HCN2: variants seen among roughly 807,000 people sequenced by gnomAD.
The protein encoded by HCN2 is potassium/sodium hyperpolarization-activated cyclic nucleotide-gated channel 2.
Under a neutral mutation model 52.3 loss-of-function variants are expected in HCN2, and 20 were observed. The observed-to-expected ratio is 0.38, with a 90% confidence interval of 0.27 to 0.56. The LOEUF is 0.56. Among genes scored for constraint, HCN2 ranks in the 20% least tolerant of loss-of-function variants. HCN2 has a pLI of 0.71. For synonymous variants in HCN2, 694 were observed against 537.0 expected (o/e 1.29, Z -4.04); for missense variants, 981 against 1,207.7 (o/e 0.81, Z 2.78).
Position 613,869 on chromosome 19 carries a change from C to T in HCN2, c.1843C>T (p.Arg615Trp), listed in dbSNP as rs747683299. The T allele has an allele frequency of 1.9e-6, 3 of 1,588,340 alleles. No homozygotes were observed. The highest frequency in any genetic ancestry group is 1.7e-6 in the Non-Finnish European group (2 of 1,168,274). The change falls in exon 7 of 8, where the codon CGG (arginine) becomes TGG (tryptophan). Residue 615 changes from arginine to tryptophan, a missense_variant. Physicochemically the swap from Arg to Trp is moderately radical, Grantham distance 101. Around this residue, in one of 6 missense-constraint regions of HCN2, gnomAD observed 85 missense variants for 106.1 expected, o/e 0.80. Transcript: ENST00000251287. ...ACGTGCAGAGATCTGCCTGCTCACC[C>T]GGGGCCGCCGCACGGCGAGCGTGCG... is the stretch of plus-strand genomic sequence containing the variant. ...SYFGEICLLT[R>W]GRRTASVRAD... is the part of the protein sequence containing the mutation.
At chr19:609,985 C>T (rs1240983159) in intron 4 of HCN2, among the ~76,000 whole-genome samples, 1 of 152,242 alleles carries the variant, frequency 6.6e-6, no homozygotes, top group Non-Finnish European at 1.5e-5. Flanking sequence ...TTGAATCTGG[C>T]CGCCCCTGTG....
In HCN2 at chr19:590,810, C is replaced by G. The variant is rs1378898351; in HGVS notation, c.632+233C>G. ...CGCGGAGCGCCCCCCTCCCACGCACCCCGACATCCTCCGCCCTGCGGCGCG... is the reference window on the plus strand; with the variant it reads ...CGCGGAGCGCCCCCCTCCCACGCACGCCGACATCCTCCGCCCTGCGGCGCG... On this transcript the variant is annotated intron_variant, in intron 1 of 7. Transcript: ENST00000251287. This position sits in a 1 kb window ranked among gnomAD's most constrained non-coding sequence, Gnocchi z 7.2. 1.8e-5 allele frequency: 5 copies of G among 283,624 alleles called. No individual in the cohort carries two copies. Among genetic ancestry groups the G allele is most frequent in the Non-Finnish European group, 3.3e-5 (5 of 152,874 alleles). The allele number at this position is 283,624 out of a possible 1,614,324, so 17.6% of individuals were successfully genotyped here. A position where few individuals can be genotyped will look rare whatever the true frequency, so the allele number is the denominator to read the frequency against.
chr19:613,602 T>TCC (rs1568368650), intron 6 of HCN2, 114 bp downstream of exon 6: 1,421 of 77,162 alleles, frequency 0.018, 57 homozygotes, highest in African/African-American at 0.029. Context: ...GGGATGGGGA[T>TCC]GGGGCCGGGG....
Position 605,208 on chromosome 19 carries a change from A to G in HCN2, c.1204A>G (p.Ile402Val). The G allele has an allele frequency of 6.2e-7, 1 of 1,610,650 alleles. No homozygotes were observed. The highest frequency in any genetic ancestry group is 8.5e-7 in the Non-Finnish European group (1 of 1,179,478). The change falls in exon 3 of 8, where the codon ATC (isoleucine) becomes GTC (valine). Residue 402 changes from isoleucine to valine, a missense_variant. Coordinates refer to ENST00000251287, the MANE Select transcript of HCN2 (RefSeq NM_001194.4). ...QDFPRNCWVS[I>V]NGMVNHSWSE... ...CTTCCCGCGCAACTGCTGGGTGTCC[A>G]TCAATGGCATGGTGGTGAGCGCCGC...
Position 590,173 on chromosome 19 carries a change from C to G in HCN2, c.228C>G (p.Arg76=). 1.0e-6 allele frequency: 1 copy of G among 979,380 alleles called. No individual in the cohort carries two copies. The highest frequency in any genetic ancestry group is 1.2e-6 in the Non-Finnish European group (1 of 827,846). 60.7% of individuals were successfully genotyped at this position (979,380 alleles called of 1,614,324 possible). ...ADEGGPRGRL[R]SRDSSCGRPG... ...AGGGCGGCCCGCGGGGCCGGCTCCG[C>G]AGCCGCGACAGCTCGTGCGGCCGCC... The change falls in exon 1 of 8, where the codon CGC becomes CGG. Residue 76 remains arginine (R), a synonymous_variant. Transcript: ENST00000251287. This position sits in a 1 kb window ranked among gnomAD's most constrained non-coding sequence, Gnocchi z 7.2.
In HCN2 at chr19:592,122, TC is replaced by T. The variant is rs1164939822; in HGVS notation, c.632+1547del. ...GACAGTGAGCGGGAAGGACTGGACT[TC>T]CAGGGCTGCTGGTCGGCCTGGCCCC... On this transcript the variant is annotated intron_variant, in intron 1 of 7. Coordinates refer to ENST00000251287, the MANE Select transcript of HCN2 (RefSeq NM_001194.4). The surrounding 1 kb of genome is among the most constrained non-coding windows in gnomAD (Gnocchi z 4.8). Among the ~76,000 whole-genome samples, 1 of 152,148 alleles carries T rather than the reference TC, an allele frequency of 6.6e-6. No individual in the cohort carries two copies. The highest frequency in any genetic ancestry group is 1.5e-5 in the Non-Finnish European group (1 of 68,010).
In HCN2 at chr19:603,591, T is replaced by C; in HGVS notation, c.680T>C (p.Ile227Thr). 1 of 1,611,138 alleles carries C rather than the reference T, an allele frequency of 6.2e-7. No individual in the cohort carries two copies. Among genetic ancestry groups the C allele is most frequent in the Non-Finnish European group, 8.5e-7 (1 of 1,178,660 alleles). The change falls in exon 2 of 8, where the codon ATC (isoleucine) becomes ACC (threonine). Residue 227 changes from isoleucine to threonine, a missense_variant. Around this residue, in one of 6 missense-constraint regions of HCN2, gnomAD observed 282 missense variants for 553.8 expected, o/e 0.51. Transcript: ENST00000251287. The part of the protein sequence containing the change: ...TMLLFMVGNL[I>T]IIPVGITFFK... Reference sequence around the variant, plus strand: ...CTGCTGTTCATGGTGGGAAACCTCATCATCATCCCAGTGGGCATCACCTTC... The same window carrying C: ...CTGCTGTTCATGGTGGGAAACCTCACCATCATCCCAGTGGGCATCACCTTC...
At position 608,165 on chromosome 19, in the gene HCN2, C is replaced by T. The variant is rs1600530207; in HGVS notation, c.1420C>T (p.Arg474Cys). 3 of 1,612,834 alleles carry T rather than the reference C, an allele frequency of 1.9e-6. No homozygotes were observed. The highest frequency in any genetic ancestry group is 1.7e-6 in the Non-Finnish European group (2 of 1,179,950). The change falls in exon 4 of 8, where the codon CGC becomes TGC. Residue 474 changes from arginine (R) to cysteine (C), a missense_variant. Coordinates refer to ENST00000251287, the MANE Select transcript of HCN2 (RefSeq NM_001194.4). Reference sequence around the variant, plus strand: ...CATCCAGTCGCTGGACTCCTCGCGGCGCCAGTACCAGGAGAAGGTCTGAGG... The same window carrying T: ...CATCCAGTCGCTGGACTCCTCGCGGTGCCAGTACCAGGAGAAGGTCTGAGG... The part of the protein sequence containing the change: ...ALIQSLDSSR[R>C]QYQEKYKQVE...
intron 5 of HCN2, among the ~76,000 whole-genome samples, chr19:612,794 G>A (rs1256859185): frequency 6.6e-6 from 1 of 150,592 alleles, no homozygotes; most frequent in Non-Finnish European, 1.5e-5. Flanking sequence ...CAGTGGTGTG[G>A]GGATCACGGC....
Position 616,060 on chromosome 19 carries a change from C to G in HCN2, c.2256C>G (p.Leu752=), listed in dbSNP as rs1356527409. Residue 752 remains leucine, a synonymous_variant, in exon 8 of 8, where the codon CTC becomes CTG. Coordinates refer to ENST00000251287, the MANE Select transcript of HCN2 (RefSeq NM_001194.4). ...VARPLVGPLA[L]GSPRLVRRPP... The stretch of plus-strand genomic sequence containing the variant: ...GGCCGCTCGTGGGGCCGCTGGCGCT[C>G]GGCTCGCCGCGCCTCGTGCGCCGCC... The G allele has an allele frequency of 2.6e-6, 3 of 1,164,880 alleles. No individual in the cohort carries two copies. The highest frequency in any genetic ancestry group is 3.2e-6 in the Non-Finnish European group (3 of 947,282). The allele number at this position is 1,164,880 out of a possible 1,614,324, so 72.2% of individuals were successfully genotyped here.
At position 603,652 on chromosome 19, in the gene HCN2, C is replaced by T. The variant is rs773131323; in HGVS notation, c.741C>T (p.Phe247=). 4 of 1,612,626 alleles carry T rather than the reference C, an allele frequency of 2.5e-6. No homozygotes were observed. In the South Asian group the frequency reaches 4.4e-5, roughly 18 times the overall value. ...KDETTAPWIV[F]NVVSDTFFLM... is the part of the protein sequence containing the mutation. Reference sequence around the variant, plus strand: ...AGACCACTGCCCCGTGGATCGTGTTCAACGTGGTCTCGGACACCTTCTTCC... The same window carrying T: ...AGACCACTGCCCCGTGGATCGTGTTTAACGTGGTCTCGGACACCTTCTTCC... The change falls in exon 2 of 8, where the codon TTC becomes TTT. Residue 247 remains phenylalanine (F), a synonymous_variant. Transcript: ENST00000251287.
At chr19:611,542 C>G (rs986936713) in intron 5 of HCN2, among the ~76,000 whole-genome samples, 2 of 152,180 alleles carry the variant, frequency 1.3e-5, no homozygotes, top group African/African-American at 2.4e-5. Flanking sequence ...GCGTGTACAC[C>G]CGTTGCTCCC....
Position 608,042 on chromosome 19 carries a change from C to G in HCN2, c.1297C>G (p.Gln433Glu). The change falls in exon 4 of 8, where the codon CAG becomes GAG. Residue 433 changes from glutamine (Q) to glutamate (E), a missense_variant. Transcript: ENST00000251287. ...SHMLCIGYGR[Q>E]APESMTDIWL... ...CATGCTGTGCATCGGGTACGGCCGG[C>G]AGGCGCCCGAGAGCATGACGGACAT... 5 of 1,612,968 alleles carry G rather than the reference C, an allele frequency of 3.1e-6. No homozygotes were observed. Among genetic ancestry groups the G allele is most frequent in the Non-Finnish European group, 4.2e-6 (5 of 1,180,022 alleles).
At chr19:606,472 G>A (rs549195923) in intron 3 of HCN2, among the ~76,000 whole-genome samples, 1 of 152,168 alleles carries the variant, frequency 6.6e-6, no homozygotes, top group Non-Finnish European at 1.5e-5. Flanking sequence ...TCCAGCCTGG[G>A]TCACAGAGCA....
At chr19:607,914 C>G in intron 3 of HCN2, 50 bp from the exon 4 acceptor site, 1 of 1,474,212 alleles carries the variant, frequency 6.8e-7, no homozygotes, top group Non-Finnish European at 9.3e-7. Context: ...ACCGAGGGCT[C>G]CTGGGGCGTG....
chr19:612,427 T>TGTGTGAGAGAGAGA, intron 5 of HCN2, among the ~76,000 whole-genome samples: 6 of 142,256 alleles, frequency 4.2e-5, no homozygotes, highest in African/African-American at 1.6e-4. Context: ...TGTGTGTGTG[T>TGTGTGAGAGAGAGA]GAGAGAGAGA....
At chr19:609,027 G>A (rs1983517177) in intron 4 of HCN2, among the ~76,000 whole-genome samples, 2 of 152,188 alleles carry the variant, frequency 1.3e-5, no homozygotes, top group African/African-American at 2.4e-5. Context: ...CATGTTAGGC[G>A]GCTGGCTGGT....
intron 1 of HCN2, among the ~76,000 whole-genome samples, chr19:600,874 A>G (rs374080996): frequency 1.3e-5 from 2 of 152,106 alleles, no homozygotes; most frequent in East Asian, 1.9e-4. Flanking sequence ...AACCGTCACC[A>G]CTATCCATAG....
Position 616,503 on chromosome 19 carries a change from C to G in HCN2, c.*29C>G, listed in dbSNP as rs1270825653. On this transcript the variant is annotated 3_prime_UTR_variant, in exon 8 of 8. Transcript: ENST00000251287. ...TCGCCGACCGCCCCGCGGGCCCAGG[C>G]GGGCCGGGGGCGGGGCCGTCATCCA... is the stretch of plus-strand genomic sequence containing the variant. The G allele has an allele frequency of 8.4e-6, 10 of 1,196,322 alleles. No homozygotes were observed. Among genetic ancestry groups the G allele is most frequent in the Non-Finnish European group, 6.3e-6 (6 of 959,866 alleles). The allele number at this position is 1,196,322 out of a possible 1,614,324, so 74.1% of individuals were successfully genotyped here.
Sources: gnomAD v4.1 joint callset for allele counts (sites outside exome capture counted in the v4.1 genomes callset) on GRCh38, gnomAD v4.1.1 for gene constraint, gnomAD v4.1.1 regional missense constraint, Gnocchi (gnomAD v3.1) non-coding constraint, MANE v1.5 for transcripts, NCBI Gene and HGNC (gene_info 2026-07-23, HGNC 2026-07-21) for gene names.